FBLN1: variants seen among roughly 807,000 people sequenced by gnomAD.
FBLN1 encodes fibulin-1.
Under a neutral mutation model 89.7 loss-of-function variants are expected in FBLN1, and 34 were observed. The observed-to-expected ratio is 0.38, with a 90% CI of 0.29 to 0.50. The LOEUF (loss-of-function observed/expected upper bound fraction) is 0.50, where lower values mean the gene tolerates loss of function less well. Ranked by LOEUF, FBLN1 falls within the 20% of genes least tolerant of loss-of-function variation. FBLN1 has a pLI of 0.92. For synonymous variants in FBLN1, 393 were observed against 391.3 expected (o/e 1.00, Z -0.05); for missense variants, 777 against 988.1 (o/e 0.79, Z 2.86).
Position 45,583,624 on chromosome 22 carries a change from T to C in FBLN1, c.1972+6516T>C, listed in dbSNP as rs1413531840. Among the ~76,000 whole-genome samples, 6 of 152,152 alleles carry C rather than the reference T, an allele frequency of 3.9e-5. No homozygotes were observed. The highest frequency in any genetic ancestry group is 8.8e-5 in the Non-Finnish European group (6 of 68,020). On this transcript the variant is annotated intron_variant, in intron 16 of 16. Coordinates refer to ENST00000327858, the MANE Select transcript of FBLN1 (RefSeq NM_006486.3). This position sits in a 1 kb window ranked among gnomAD's most constrained non-coding sequence, Gnocchi z 4.5. ...TGAGAGTGGCTATACCTTCTAGGCC[T>C]GATCAGGAAGGAAGCTGGGTTTTGG...
At chr22:45,569,318 C>G (rs2088931123) in intron 14 of FBLN1, among the ~76,000 whole-genome samples, 1 of 152,162 alleles carries the variant, frequency 6.6e-6, no homozygotes, top group Non-Finnish European at 1.5e-5. Context: ...TGAATGGGCC[C>G]TAATCCAATA....
chr22:45,505,851 A>C (rs568800981), intron 1 of FBLN1, among the ~76,000 whole-genome samples: 147 of 152,188 alleles, frequency 9.7e-4, no homozygotes, highest in Non-Finnish European at 1.4e-3. Flanking sequence ...GACTCACTGC[A>C]ACCTCCGCCT....
chr22:45,551,882 T>A (rs2088706753), intron 14 of FBLN1, among the ~76,000 whole-genome samples: 1 of 152,246 alleles, frequency 6.6e-6, no homozygotes, highest in Non-Finnish European at 1.5e-5. Flanking sequence ...CTGGCTGTGG[T>A]TGTGACCTCG....
chr22:45,520,177 C>CA (rs2088230490), intron 2 of FBLN1, among the ~76,000 whole-genome samples: 1 of 151,884 alleles, frequency 6.6e-6, no homozygotes, highest in South Asian at 2.1e-4. Flanking sequence ...CCCCCACCAT[C>CA]AAAAGAAAAA....
chr22:45,569,617 T>TG (rs941326978), intron 14 of FBLN1, among the ~76,000 whole-genome samples: 2 of 151,368 alleles, frequency 1.3e-5, no homozygotes, highest in African/African-American at 4.9e-5. Flanking sequence ...CCAGCCTGGG[T>TG]GACAGGGCAA....
At chr22:45,548,887 C>A in intron 13 of FBLN1, 143 bp downstream of exon 13, 1 of 1,339,788 alleles carries the variant, frequency 7.5e-7, no homozygotes, top group Non-Finnish European at 1.0e-6. Context: ...AAAGGAGGCC[C>A]ACCCCATCCA....
At position 45,562,817 on chromosome 22, in the gene FBLN1, C is replaced by T. The variant is rs981792799; in HGVS notation, c.1698-11694C>T. ...CGGCCAGAGGGGCGGCGGGAGGCCC[C>T]GCCTGCCAGCCCCGCATCCCCGCGC... On this transcript the variant is annotated intron_variant, in intron 14 of 16. Transcript: ENST00000327858. The surrounding 1 kb of genome is among the most constrained non-coding windows in gnomAD (Gnocchi z 7.8). 62 of 1,273,376 alleles carry T rather than the reference C, an allele frequency of 4.9e-5. No individual in the cohort carries two copies. In the East Asian group the frequency reaches 9.7e-4, roughly 20 times the overall value. The allele number at this position is 1,273,376 out of a possible 1,614,324, so 78.9% of individuals were successfully genotyped here.
chr22:45,594,090 G>A (rs558313017), intron 16 of FBLN1, among the ~76,000 whole-genome samples: 5 of 145,486 alleles, frequency 3.4e-5, no homozygotes, highest in Non-Finnish European at 5.9e-5. Flanking sequence ...CATGAGACAT[G>A]GCAAATCAGA....
In FBLN1 at chr22:45,556,248, G is replaced by A. The variant is rs567829253; in HGVS notation, c.1697+5633G>A. The stretch of plus-strand genomic sequence containing the variant: ...TGACCTCAAGTGATCCTCCCGCCTC[G>A]GCCTCCCAAAATGCTGGGATTACAG... On this transcript the variant is annotated intron_variant, in intron 14 of 16. Transcript: ENST00000327858. This position sits in a 1 kb window ranked among gnomAD's most constrained non-coding sequence, Gnocchi z 4.6. Among the ~76,000 whole-genome samples the A allele has an allele frequency of 3.9e-5, 6 of 152,186 alleles. No homozygotes were observed. Among genetic ancestry groups the A allele is most frequent in the African/African-American group, 1.2e-4 (5 of 41,526 alleles).
intron 16 of FBLN1, among the ~76,000 whole-genome samples, chr22:45,594,314 G>A (rs566236318): frequency 2.0e-5 from 3 of 152,308 alleles, no homozygotes; most frequent in African/African-American, 4.8e-5. Context: ...TTGGTTCTCT[G>A]AGACTGACGA....
At chr22:45,565,320 A>G in intron 14 of FBLN1, 1 of 1,259,494 alleles carries the variant, frequency 7.9e-7, no homozygotes, top group Non-Finnish European at 1.0e-6. Context: ...GCCTCTGCCC[A>G]CCCTTTGAGC....
At chr22:45,534,535 C>T (rs1446961300) in intron 7 of FBLN1, among the ~76,000 whole-genome samples, 1 of 152,176 alleles carries the variant, frequency 6.6e-6, no homozygotes, top group African/African-American at 2.4e-5. Context: ...GGGTTTCAAG[C>T]CTTTCAGAAG....
At chr22:45,586,186 A>G (rs1479205118) in intron 16 of FBLN1, among the ~76,000 whole-genome samples, 2 of 152,212 alleles carry the variant, frequency 1.3e-5, no homozygotes, top group Non-Finnish European at 2.9e-5. Context: ...TCGGAGCTCA[A>G]GGCCTCAGCC....
intron 16 of FBLN1, among the ~76,000 whole-genome samples, chr22:45,591,182 A>G (rs1337866513): frequency 2.0e-5 from 3 of 152,114 alleles, no homozygotes; most frequent in Non-Finnish European, 4.4e-5. Context: ...GTTCTGGTTT[A>G]CTGCTTGCTG....
rs1412325332 is a variant in FBLN1 at position 45,597,343 on chromosome 22, C to T, written c.1973-2964C>T. Among the ~76,000 whole-genome samples, 4 of 152,144 alleles carry T rather than the reference C, an allele frequency of 2.6e-5. No individual in the cohort carries two copies. The highest frequency in any genetic ancestry group is 9.7e-5 in the African/African-American group (4 of 41,428). On this transcript the variant is annotated intron_variant, in intron 16 of 16. Coordinates refer to ENST00000327858, the MANE Select transcript of FBLN1 (RefSeq NM_006486.3). This position sits in a 1 kb window ranked among gnomAD's most constrained non-coding sequence, Gnocchi z 4.2. ...GACTGTTGCTTGTGGAGGTGCCTGC[C>T]ATTCCTCCCTACAGTGATTCACAGG... is the stretch of plus-strand genomic sequence containing the variant.
intron 1 of FBLN1, among the ~76,000 whole-genome samples, chr22:45,514,730 G>C (rs923384173): frequency 6.6e-6 from 1 of 152,202 alleles, no homozygotes; most frequent in South Asian, 2.1e-4. Flanking sequence ...GAGCCGTGAC[G>C]TTTGTGCTGG....
chr22:45,572,323 C>T lies in FBLN1; in HGVS notation c.1698-2188C>T, dbSNP rs535080846. ...GCCAAAAGGACCCAGGAGCCAACTT[C>T]ATTTTCCCTCTGGCAAGAGATGGGA... On this transcript the variant is annotated intron_variant, in intron 14 of 16. Coordinates refer to ENST00000327858, the MANE Select transcript of FBLN1 (RefSeq NM_006486.3). The surrounding 1 kb of genome is among the most constrained non-coding windows in gnomAD (Gnocchi z 5.8). Among the ~76,000 whole-genome samples, 17 of 152,256 alleles carry T rather than the reference C, an allele frequency of 1.1e-4. No homozygotes were observed. The highest frequency in any genetic ancestry group is 4.1e-4 in the African/African-American group (17 of 41,554).
At position 45,562,778 on chromosome 22, in the gene FBLN1, CGTGT is replaced by C; in HGVS notation, c.1698-11732_1698-11729del. On this transcript the variant is annotated intron_variant, in intron 14 of 16. Transcript: ENST00000327858. The surrounding 1 kb of genome is among the most constrained non-coding windows in gnomAD (Gnocchi z 7.8). ...CCGCAGGTGAGTGAGGTGTGCCCTT[CGTGT>C]TGGCTGAATCGGCCAGAGGGGCGGC... is the stretch of plus-strand genomic sequence containing the variant. 1 of 867,016 alleles carries C rather than the reference CGTGT, an allele frequency of 1.2e-6. No individual in the cohort carries two copies. The highest frequency in any genetic ancestry group is 1.3e-5 in the South Asian group (1 of 74,968). The allele number at this position is 867,016 out of a possible 1,614,324, so 53.7% of individuals were successfully genotyped here.
intron 4 of FBLN1, among the ~76,000 whole-genome samples, chr22:45,529,330 A>G (rs2088372531): frequency 6.6e-6 from 1 of 152,158 alleles, no homozygotes; most frequent in Non-Finnish European, 1.5e-5. Context: ...CAGCTTCAAG[A>G]GCGCTCTCAG....
Sources: gnomAD v4.1 joint callset for allele counts (sites outside exome capture counted in the v4.1 genomes callset) on GRCh38, gnomAD v4.1.1 for gene constraint, Gnocchi (gnomAD v3.1) non-coding constraint, MANE v1.5 for transcripts, NCBI Gene and HGNC (gene_info 2026-07-23, HGNC 2026-07-21) for gene names.